CDNF: variants seen among roughly 807,000 people sequenced by gnomAD.
CDNF encodes cerebral dopamine neurotrophic factor, also known as ARMET-like protein 1.
A neutral mutation model predicts 14.8 loss-of-function variants in CDNF; 9 were observed. That is an observed-to-expected ratio of 0.61 (90% confidence interval 0.37 to 1.06). The LOEUF (loss-of-function observed/expected upper bound fraction) is 1.06, where lower values mean the gene tolerates loss of function less well. CDNF is among the 50% of genes least tolerant of loss of function. The pLI is 0.01. For synonymous variants in CDNF, 86 were observed against 87.2 expected (o/e 0.99, Z 0.07); for missense variants, 228 against 228.4 (o/e 1.00, Z 0.01).
intron 3 of CDNF, among the ~76,000 whole-genome samples, chr10:14,821,307 A>G (rs1385134974): frequency 6.6e-6 from 1 of 152,024 alleles, no homozygotes; most frequent in African/African-American, 2.4e-5. Context: ...GTATTTTAGT[A>G]GAGACAGGGT....
At chr10:14,828,632 C>T (rs1354429586) in intron 1 of CDNF, among the ~76,000 whole-genome samples, 1 of 151,344 alleles carries the variant, frequency 6.6e-6, no homozygotes, top group Non-Finnish European at 1.5e-5. Context: ...GGCGACAGAG[C>T]AAGACTCCAT....
chr10:14,834,968 T>C (rs1833874913), intron 1 of CDNF, among the ~76,000 whole-genome samples: 3 of 152,092 alleles, frequency 2.0e-5, no homozygotes, highest in South Asian at 2.1e-4. Flanking sequence ...GGAGGTAGAC[T>C]CAACGATGTA....
Position 14,819,974 on chromosome 10 carries a change from T to C in CDNF, c.*6A>G. 6.2e-6 allele frequency: 10 copies of C among 1,611,130 alleles called. No homozygotes were observed. The highest frequency in any genetic ancestry group is 3.3e-5 in the South Asian group (3 of 90,534). ...TTACAAGTCACAAATGTGCTGGCAT[T>C]GGAGATCAGAGCTCTGTTTTGGGGT... On this transcript the variant is annotated 3_prime_UTR_variant, in exon 4 of 4. Transcript: ENST00000465530.
intron 2 of CDNF, among the ~76,000 whole-genome samples, chr10:14,826,214 G>T (rs57796851): frequency 0.08 from 11,890 of 147,984 alleles, 994 homozygotes; most frequent in East Asian, 0.26. Context: ...AGAAGAAGAA[G>T]AAGAAGCAGA....
chr10:14,826,497 G>A (rs1052755542), intron 2 of CDNF, among the ~76,000 whole-genome samples: 7 of 143,722 alleles, frequency 4.9e-5, no homozygotes, highest in Non-Finnish European at 1.1e-4. Flanking sequence ...AGAAGAAGAA[G>A]AAGAAAAAGA....
intron 3 of CDNF, 136 bp downstream of exon 3, chr10:14,825,343 T>G: frequency 2.5e-6 from 2 of 808,652 alleles, no homozygotes; most frequent in Non-Finnish European, 4.0e-6. Context: ...TAGGTACCAT[T>G]CATCAGCCAA....
chr10:14,834,762 G>A (rs1833873096), intron 1 of CDNF, among the ~76,000 whole-genome samples: 3 of 152,162 alleles, frequency 2.0e-5, no homozygotes, highest in Admixed American at 1.3e-4. Flanking sequence ...AAACAAAGGA[G>A]CGGCACCTGG....
intron 2 of CDNF, among the ~76,000 whole-genome samples, chr10:14,826,468 CAGAAGAAGAAGAAAA>C (rs1833796369): frequency 2.2e-5 from 3 of 134,474 alleles, no homozygotes; most frequent in African/African-American, 9.5e-5. Flanking sequence ...AAGAAAGAAG[CAGAAGAAGAAGAAAA>C]AGAAGAAGAA....
chr10:14,821,228 G>C (rs765108128), intron 3 of CDNF, among the ~76,000 whole-genome samples: 1 of 151,640 alleles, frequency 6.6e-6, no homozygotes, highest in Non-Finnish European at 1.5e-5. Flanking sequence ...TGGTTCAAGC[G>C]ATTCTCCTGT....
chr10:14,837,927 A>G lies in CDNF; in HGVS notation c.20T>C (p.Val7Ala). Residue 7 changes from valine to alanine, a missense_variant, in exon 1 of 4, where the codon GTT becomes GCT. Physicochemically the swap from Val to Ala is moderately conservative, Grantham distance 64. Transcript: ENST00000465530. ...CCCGGCGCAAAAGGCCACCACAGCA[A>G]CTGGGCTCGCGCACCACATGCTGGG... The part of the protein sequence containing the change: MWCASP[V>A]AVVAFCAGLL... 1 of 1,603,148 alleles carries G rather than the reference A, an allele frequency of 6.2e-7. No homozygotes were observed. Among genetic ancestry groups the G allele is most frequent in the South Asian group, 1.1e-5 (1 of 89,510 alleles).
chr10:14,826,250 T>C (rs111208036), intron 2 of CDNF, among the ~76,000 whole-genome samples: 1 of 108,374 alleles, frequency 9.2e-6, no homozygotes, highest in African/African-American at 3.7e-5. Context: ...AGAAGAAGCA[T>C]AAGAAGCAGT....
At chr10:14,837,802 C>G in intron 1 of CDNF, 30 bp downstream of exon 1, 1 of 1,392,098 alleles carries the variant, frequency 7.2e-7, no homozygotes, top group Non-Finnish European at 9.9e-7. Context: ...GCGGGGCCGC[C>G]GCCATGCAAG....
chr10:14,826,002 A>AAGAAGC (rs879772371), intron 2 of CDNF, among the ~76,000 whole-genome samples: 9,735 of 133,724 alleles, frequency 0.073, 1,361 homozygotes, highest in African/African-American at 0.24. Flanking sequence ...GAAGCAGCAG[A>AAGAAGC]AGAAGCAGAA....
chr10:14,837,320 C>A (rs1263122122), intron 1 of CDNF, among the ~76,000 whole-genome samples: 2 of 152,230 alleles, frequency 1.3e-5, no homozygotes, highest in African/African-American at 4.8e-5. Context: ...TTGTATTCCT[C>A]TCTTTCCCAA....
rs1833722171 is a variant in CDNF at position 14,819,823 on chromosome 10, C to T, written c.*157G>A. ...AGTTATCAGTAGTATTAGTTTCACT[C>T]ATAAACCCACGTAACAAAATTCTGA... On this transcript the variant is annotated 3_prime_UTR_variant, in exon 4 of 4. Transcript: ENST00000465530. 1.4e-6 allele frequency: 1 copy of T among 714,904 alleles called. No homozygotes were observed. The highest frequency in any genetic ancestry group is 2.3e-6 in the Non-Finnish European group (1 of 432,774). 44.3% of individuals were successfully genotyped at this position (714,904 alleles called of 1,614,324 possible). A position where few individuals can be genotyped will look rare whatever the true frequency, so the allele number is the denominator to read the frequency against.
At chr10:14,826,482 AAAGAAG>A (rs111933790) in intron 2 of CDNF, among the ~76,000 whole-genome samples, 4 of 140,892 alleles carry the variant, frequency 2.8e-5, no homozygotes, top group Admixed American at 7.3e-5. Flanking sequence ...AGAAGAAGAA[AAAGAAG>A]AAGAAGAAGA....
Position 14,819,891 on chromosome 10 carries a change from A to C in CDNF, c.*89T>G. The C allele has an allele frequency of 7.7e-7, 1 of 1,290,354 alleles. No homozygotes were observed. The highest frequency in any genetic ancestry group is 1.1e-6 in the Non-Finnish European group (1 of 933,026). The allele number at this position is 1,290,354 out of a possible 1,614,324, so 79.9% of individuals were successfully genotyped here. A position where few individuals can be genotyped will look rare whatever the true frequency, so the allele number is the denominator to read the frequency against. ...AAAAGCATGAGACCAAATATGATGC[A>C]TTCCCAGTTATCCTTAATCAACATG... On this transcript the variant is annotated 3_prime_UTR_variant, in exon 4 of 4. Coordinates refer to ENST00000465530, the MANE Select transcript of CDNF (RefSeq NM_001029954.3).
chr10:14,829,171 T>G (rs547168744), intron 1 of CDNF, among the ~76,000 whole-genome samples: 33 of 152,348 alleles, frequency 2.2e-4, no homozygotes, highest in Non-Finnish European at 5.9e-5. Flanking sequence ...TGATAACTTT[T>G]CCACAAAATT....
intron 2 of CDNF, 112 bp from the exon 3 acceptor site, chr10:14,825,732 C>T: frequency 8.6e-7 from 1 of 1,162,104 alleles, no homozygotes; most frequent in Non-Finnish European, 1.2e-6. Context: ...GACATGGTGG[C>T]TCACGCCTGT....
Sources: allele counts gnomAD v4.1 joint callset (sites outside exome capture counted in the v4.1 genomes callset), GRCh38; gene constraint gnomAD v4.1.1; transcripts MANE v1.5; gene names NCBI Gene and HGNC (gene_info 2026-07-23, HGNC 2026-07-21).